The following RBFOX1 variants were observed in gnomAD, a reference collection of about 807,000 sequenced individuals.
RBFOX1 encodes RNA binding protein fox-1 homolog 1.
RBFOX1 carries 8 observed loss-of-function variants against 57.7 expected under a neutral mutation model. The ratio of observed to expected loss-of-function variants is 0.14; its 90% CI spans 0.08 to 0.25. The LOEUF (loss-of-function observed/expected upper bound fraction) is 0.25. RBFOX1 is among the 10% of genes least tolerant of loss of function. RBFOX1 has a pLI of 1.00. For missense variants in RBFOX1, 611 were observed against 548.5 expected (o/e 1.11, Z -1.14); for synonymous variants, 326 against 222.4 (o/e 1.47, Z -4.15).
intron 5 of RBFOX1, among the ~76,000 whole-genome samples, chr16:7,567,839 A>G (rs1567871036): frequency 6.8e-6 from 1 of 147,424 alleles, no homozygotes; most frequent in Non-Finnish European, 1.5e-5. Flanking sequence ...ATCCCCATAT[A>G]TATACCTATA....
chr16:6,200,806 G>T (rs984425140), intron 1 of RBFOX1, among the ~76,000 whole-genome samples: 1 of 152,114 alleles, frequency 6.6e-6, no homozygotes, highest in Admixed American at 6.5e-5. Flanking sequence ...ACCAGATGTG[G>T]GTGGGTATGA....
intron 4 of RBFOX1, among the ~76,000 whole-genome samples, chr16:7,402,635 A>T (rs2098264367): frequency 6.6e-6 from 1 of 152,192 alleles, no homozygotes; most frequent in African/African-American, 2.4e-5. Context: ...TTTCAATGCT[A>T]AGTATATGAG....
intron 3 of RBFOX1, among the ~76,000 whole-genome samples, chr16:6,838,909 C>G (rs1049545662): frequency 6.6e-6 from 1 of 151,936 alleles, no homozygotes; most frequent in Non-Finnish European, 1.5e-5. Context: ...TTATTAAATA[C>G]CATTCAAGAC....
At chr16:6,715,902 A>G (rs552601128) in intron 3 of RBFOX1, among the ~76,000 whole-genome samples, 35 of 152,308 alleles carry the variant, frequency 2.3e-4, no homozygotes, top group African/African-American at 7.0e-4. Context: ...GCCTGCTACT[A>G]TTACAGCCTC....
Position 7,043,417 on chromosome 16 carries a change from A to C in RBFOX1, c.-15-8640A>C, listed in dbSNP as rs534129644. The stretch of plus-strand genomic sequence containing the variant: ...GCTAGGCAGTTAGTACCCTGAGTAC[A>C]TATGTCAAATGTGTATCATAGTCCT... On this transcript the variant is annotated intron_variant, in intron 3 of 15. Transcript: ENST00000550418. Among the ~76,000 whole-genome samples, 6 of 152,314 alleles carry C rather than the reference A, an allele frequency of 3.9e-5. No individual in the cohort carries two copies. In the South Asian group the frequency reaches 1.0e-3, roughly 26 times the overall value.
chr16:5,509,978 G>A (rs1374195459), intron 2 of RBFOX1, among the ~76,000 whole-genome samples: 2 of 152,182 alleles, frequency 1.3e-5, no homozygotes, highest in Admixed American at 6.5e-5. Flanking sequence ...CAAGTTCTGG[G>A]CTTGGAGCCA....
chr16:6,063,343 C>T (rs1420936824), intron 1 of RBFOX1, among the ~76,000 whole-genome samples: 1 of 151,994 alleles, frequency 6.6e-6, no homozygotes, highest in Non-Finnish European at 1.5e-5. Context: ...ACAGGGAAAT[C>T]AATATGGGTT....
At chr16:7,005,069 A>C (rs2093177797) in intron 3 of RBFOX1, among the ~76,000 whole-genome samples, 1 of 152,184 alleles carries the variant, frequency 6.6e-6, no homozygotes, top group Non-Finnish European at 1.5e-5. Context: ...CCTTGAATCC[A>C]GGAGGCAGAA....
At chr16:7,273,198 C>CT (rs1165514200) in intron 4 of RBFOX1, among the ~76,000 whole-genome samples, 8 of 66,020 alleles carry the variant, frequency 1.2e-4, no homozygotes, top group Admixed American at 3.0e-4. Context: ...CCCTTCCTTC[C>CT]TCCCTCCCTT....
Position 6,593,904 on chromosome 16 carries a change from A to G in RBFOX1, c.-63-60699A>G, listed in dbSNP as rs116652835. On this transcript the variant is annotated intron_variant, in intron 2 of 15. Coordinates refer to ENST00000550418, the MANE Select transcript of RBFOX1 (RefSeq NM_018723.4). ...TTAAAGTGCTTGTCTCTCATTGCCTAGCGATTTACTGGCATTGTAGACTCC... is the reference window on the plus strand; with the variant it reads ...TTAAAGTGCTTGTCTCTCATTGCCTGGCGATTTACTGGCATTGTAGACTCC... Among the ~76,000 whole-genome samples, 380 of 152,330 alleles carry G rather than the reference A, an allele frequency of 2.5e-3. 3 individuals are homozygous for G. Among genetic ancestry groups the G allele is most frequent in the African/African-American group, 8.4e-3 (351 of 41,584 alleles).
intron 1 of RBFOX1, among the ~76,000 whole-genome samples, chr16:5,370,947 C>T (rs1024836098): frequency 2.0e-5 from 3 of 152,214 alleles, no homozygotes; most frequent in Non-Finnish European, 4.4e-5. Context: ...CCCTAACCCG[C>T]AGGACCTCAG....
At chr16:5,714,859 A>C (rs2051629429) in intron 3 of RBFOX1, among the ~76,000 whole-genome samples, 1 of 152,196 alleles carries the variant, frequency 6.6e-6, no homozygotes, top group South Asian at 2.1e-4. Flanking sequence ...CAGTGAGCCA[A>C]GGTCACGTAG....
intron 1 of RBFOX1, among the ~76,000 whole-genome samples, chr16:6,287,719 A>C (rs1462094898): frequency 6.6e-6 from 1 of 152,194 alleles, no homozygotes; most frequent in East Asian, 1.9e-4. Flanking sequence ...CATATATGTG[A>C]TACATATGAA....
chr16:5,921,627 T>C (rs562993556), intron 4 of RBFOX1, among the ~76,000 whole-genome samples: 2 of 152,288 alleles, frequency 1.3e-5, no homozygotes, highest in African/African-American at 4.8e-5. Context: ...GTTAGGTGGT[T>C]CTTGCGTTGC....
intron 2 of RBFOX1, among the ~76,000 whole-genome samples, chr16:5,536,875 A>G (rs192431807): frequency 6.6e-6 from 1 of 152,204 alleles, no homozygotes; most frequent in Non-Finnish European, 1.5e-5. Context: ...ATGAAGGTTT[A>G]TTCTAGCTTC....
At chr16:7,074,454 G>A (rs553579283) in intron 4 of RBFOX1, among the ~76,000 whole-genome samples, 3 of 152,254 alleles carry the variant, frequency 2.0e-5, no homozygotes, top group South Asian at 4.1e-4. Flanking sequence ...TATCTGAAAT[G>A]TAAACATCAG....
intron 2 of RBFOX1, among the ~76,000 whole-genome samples, chr16:6,648,743 A>G (rs1222253983): frequency 6.6e-6 from 1 of 152,182 alleles, no homozygotes; most frequent in Non-Finnish European, 1.5e-5. Flanking sequence ...GCAGAAGCAG[A>G]CAGAGAGCTG....
At chr16:5,623,725 C>A (rs796632746) in intron 3 of RBFOX1, among the ~76,000 whole-genome samples, 1 of 152,138 alleles carries the variant, frequency 6.6e-6, no homozygotes, top group South Asian at 2.1e-4. Context: ...TTTGTCCTTC[C>A]CTCCCTGTGT....
intron 4 of RBFOX1, among the ~76,000 whole-genome samples, chr16:5,991,917 A>G (rs2060406979): frequency 6.6e-6 from 1 of 152,160 alleles, no homozygotes; most frequent in Non-Finnish European, 1.5e-5. Flanking sequence ...CATTCTTACC[A>G]TCACAGTTTT....
Sources: allele counts gnomAD v4.1 joint callset (sites outside exome capture counted in the v4.1 genomes callset), GRCh38; gene constraint gnomAD v4.1.1; transcripts MANE v1.5; gene names NCBI Gene and HGNC (gene_info 2026-07-23, HGNC 2026-07-21).